The following SIRT4 variants were observed in gnomAD, a reference collection of about 807,000 sequenced individuals.
SIRT4 encodes the protein NAD-dependent protein lipoamidase sirtuin-4, mitochondrial.
A neutral mutation model predicts 26.1 loss-of-function variants in SIRT4; 23 were observed. The ratio of observed to expected loss-of-function variants is 0.88; its 90% CI spans 0.63 to 1.25. The LOEUF (loss-of-function observed/expected upper bound fraction) is 1.25, where lower values mean the gene tolerates loss of function less well. Ranked by LOEUF, SIRT4 falls within the 50% of genes most tolerant of loss-of-function variation. SIRT4 has a pLI of 0.00. For missense variants in SIRT4, 361 were observed against 405.4 expected, an observed-to-expected ratio of 0.89 and a Z score of 0.94; for synonymous variants, 155 against 158.4, an observed-to-expected ratio of 0.98 and a Z score of 0.16.
At chr12:120,296,553 G>T in the SIRT4 span, among the ~76,000 whole-genome samples, 1 of 144,456 alleles carries the variant, frequency 6.9e-6, no homozygotes, top group Non-Finnish European at 1.5e-5. Flanking sequence ...AGTCGCTTAG[G>T]TTGGAGCGCA....
chr12:120,304,849 T>A (rs1211476976), intron 2 of SIRT4, among the ~76,000 whole-genome samples: 6 of 119,392 alleles, frequency 5.0e-5, no homozygotes, highest in Non-Finnish European at 7.1e-5. Flanking sequence ...TTTTTTTTTT[T>A]TTTTTTTTTT....
At chr12:120,292,749 T>C in the SIRT4 span, among the ~76,000 whole-genome samples, 1 of 143,096 alleles carries the variant, frequency 7.0e-6, no homozygotes, top group African/African-American at 2.7e-5. Flanking sequence ...TTCGGCAAAG[T>C]TTGCAGCGAG....
intron 2 of SIRT4, among the ~76,000 whole-genome samples, chr12:120,306,263 G>A (rs1453930688): frequency 1.3e-5 from 2 of 152,052 alleles, no homozygotes; most frequent in Admixed American, 1.3e-4. Flanking sequence ...ATCACCTGAG[G>A]TCAGGAGTTC....
chr12:120,310,347 C>T (rs1052751749), intron 2 of SIRT4, among the ~76,000 whole-genome samples: 2 of 151,958 alleles, frequency 1.3e-5, no homozygotes, highest in African/African-American at 4.8e-5. Flanking sequence ...GCCTGGGCGA[C>T]AGAGCAAGAC....
At chr12:120,291,912 TC>T in the SIRT4 span, 1 of 151,752 alleles carries the variant, frequency 6.6e-6, no homozygotes, top group South Asian at 2.1e-4. Flanking sequence ...CTGGAAAGGT[TC>T]TGTTCGCGCC....
At chr12:120,295,758 A>G in the SIRT4 span, among the ~76,000 whole-genome samples, 1 of 151,900 alleles carries the variant, frequency 6.6e-6, no homozygotes, top group African/African-American at 2.4e-5. Flanking sequence ...GTAGAAAGCT[A>G]TTAGAAACCT....
chr12:120,292,800 T>C, the SIRT4 span, among the ~76,000 whole-genome samples: 1 of 150,352 alleles, frequency 6.7e-6, no homozygotes, highest in East Asian at 1.9e-4. Flanking sequence ...GCGACAGACT[T>C]CGTCTCAAAA....
chr12:120,297,066 T>G, the SIRT4 span, among the ~76,000 whole-genome samples: 1 of 151,018 alleles, frequency 6.6e-6, no homozygotes, highest in Non-Finnish European at 1.5e-5. Context: ...CTACTAAAAA[T>G]ACAAAAATTA....
At chr12:120,293,206 C>T in the SIRT4 span, 8 of 152,312 alleles carry the variant, frequency 5.3e-5, no homozygotes, top group Non-Finnish European at 7.3e-5. Context: ...GGATAGACCT[C>T]ATTGGCTACG....
chr12:120,292,990 ATC>A, the SIRT4 span: 2 of 152,170 alleles, frequency 1.3e-5, no homozygotes, highest in East Asian at 3.8e-4. Context: ...ACACTTCCCC[ATC>A]TCTCATTTAG....
the SIRT4 span, among the ~76,000 whole-genome samples, chr12:120,294,452 T>G: frequency 6.6e-6 from 1 of 152,086 alleles, no homozygotes; most frequent in Admixed American, 6.6e-5. Flanking sequence ...ACACGGGGTT[T>G]CACCATGTTG....
At chr12:120,294,844 T>C in the SIRT4 span, among the ~76,000 whole-genome samples, 1 of 151,404 alleles carries the variant, frequency 6.6e-6, no homozygotes, top group Admixed American at 6.6e-5. Context: ...TTTTTTTTTT[T>C]TGAGGGGGAG....
upstream of SIRT4, among the ~76,000 whole-genome samples, chr12:120,298,662 A>C (rs1036740971): frequency 6.6e-6 from 1 of 151,530 alleles, no homozygotes; most frequent in Non-Finnish European, 1.5e-5. Flanking sequence ...TAATTCCAGC[A>C]CTTTGGGAGG....
At chr12:120,292,948 C>T in the SIRT4 span, 21 of 152,174 alleles carry the variant, frequency 1.4e-4, no homozygotes, top group African/African-American at 2.4e-4. Context: ...AACAGGTAAA[C>T]TTGCAGGTGC....
chr12:120,308,645 T>G (rs1012435272), intron 2 of SIRT4, among the ~76,000 whole-genome samples: 1 of 152,100 alleles, frequency 6.6e-6, no homozygotes, highest in Non-Finnish European at 1.5e-5. Flanking sequence ...TCTGGGAAAG[T>G]TAGGCCCAAA....
At position 120,303,580 on chromosome 12, in the gene SIRT4, T is replaced by C; in HGVS notation, c.19T>C (p.Leu7=). Residue 7 remains leucine (L), a synonymous_variant, in exon 2 of 4, where the codon TTG becomes CTG. Coordinates refer to ENST00000202967, the MANE Select transcript of SIRT4 (RefSeq NM_012240.3). MKMSFA[L]TFRSAKGRWI... is the part of the protein sequence containing the mutation. ...CTCTAGAATGAAGATGAGCTTTGCG[T>C]TGACTTTCAGGTCAGCAAAAGGCCG... 1 of 1,611,852 alleles carries C rather than the reference T, an allele frequency of 6.2e-7. No homozygotes were observed. Among genetic ancestry groups the C allele is most frequent in the Non-Finnish European group, 8.5e-7 (1 of 1,179,394 alleles).
chr12:120,299,242 T>G, upstream of SIRT4, among the ~76,000 whole-genome samples: 1 of 146,178 alleles, frequency 6.8e-6, no homozygotes, highest in East Asian at 2.0e-4. Flanking sequence ...AATAAATAAA[T>G]AAATACAATA....
At chr12:120,291,814 C>G in the SIRT4 span, 1 of 152,194 alleles carries the variant, frequency 6.6e-6, no homozygotes, top group South Asian at 2.1e-4. Flanking sequence ...TTCAAGTCGT[C>G]ATGGCGGGGT....
chr12:120,304,008 CA>C lies in SIRT4; in HGVS notation c.448del (p.Thr150ProfsTer8), dbSNP rs1872647029. ...TGACCCAAAATGTGGATGCTTTGCA[CA>C]CCAAGGCGGGGAGTCGGCGCCTGAC... ...LVTQNVDALH[T>X]KAGSRRLTEL... On this transcript the variant is annotated frameshift_variant, in exon 2 of 4. Coordinates refer to ENST00000202967, the MANE Select transcript of SIRT4 (RefSeq NM_012240.3). LOFTEE classifies it high-confidence loss of function. The C allele has an allele frequency of 1.2e-6, 2 of 1,613,318 alleles. No individual in the cohort carries two copies. Among genetic ancestry groups the C allele is most frequent in the Non-Finnish European group, 1.7e-6 (2 of 1,180,040 alleles).
Sources: allele counts gnomAD v4.1 joint callset (sites outside exome capture counted in the v4.1 genomes callset), GRCh38; gene constraint gnomAD v4.1.1; transcripts MANE v1.5; gene names NCBI Gene and HGNC (gene_info 2026-07-23, HGNC 2026-07-21).